The following MDN1 variants were observed in gnomAD, a reference collection of about 807,000 sequenced individuals.
MDN1 encodes the protein midasin AAA ATPase 1.
In MDN1, 266 loss-of-function variants were observed where a neutral mutation model predicts 669.2. The ratio of observed to expected loss-of-function variants is 0.40; its 90% confidence interval spans 0.36 to 0.44. MDN1 has a LOEUF of 0.44. MDN1 is among the 20% of genes least tolerant of loss of function. MDN1 has a pLI of 1.00. For missense variants in MDN1, 5,940 were observed against 6,754.0 expected (o/e 0.88, Z 4.22); for synonymous variants, 2,385 against 2,457.1 (o/e 0.97, Z 0.87).
At chr6:89,660,955 C>T (rs1029269185) in intron 88 of MDN1, among the ~76,000 whole-genome samples, 9 of 152,128 alleles carry the variant, frequency 5.9e-5, no homozygotes, top group African/African-American at 1.9e-4. Context: ...AACAAAGGCA[C>T]GAAATACTGT....
Position 89,699,744 on chromosome 6 carries a change from G to C in MDN1, c.8871-17C>G. ...TTGCTGCATCTGTTCCAAAAATAAA[G>C]AGGGAGAGGGTGGGGTATGGACTAT... On this transcript the variant is annotated splice_polypyrimidine_tract_variant and intron_variant, in intron 57 of 101. Transcript: ENST00000369393. 6.2e-7 allele frequency: 1 copy of C among 1,613,362 alleles called. No homozygotes were observed.
At chr6:89,671,332 GT>G (rs1214264807) in intron 82 of MDN1, among the ~76,000 whole-genome samples, 1 of 152,120 alleles carries the variant, frequency 6.6e-6, no homozygotes, top group Non-Finnish European at 1.5e-5. Flanking sequence ...AACAATGTTG[GT>G]TTTTTAAAAA....
Position 89,648,111 on chromosome 6 carries a change from T to A in MDN1, c.16316A>T (p.His5439Leu), listed in dbSNP as rs1808601641. The A allele has an allele frequency of 6.2e-6, 10 of 1,614,168 alleles. No individual in the cohort carries two copies. Among genetic ancestry groups the A allele is most frequent in the Non-Finnish European group, 8.5e-6 (10 of 1,179,992 alleles). The change falls in exon 99 of 102, where the codon CAT (histidine) becomes CTT (leucine). Residue 5439 changes from histidine to leucine, a missense_variant. This residue lies in a region of MDN1 where 2,280 missense variants were observed against 2,576.3 expected (regional missense o/e 0.88). Coordinates refer to ENST00000369393, the MANE Select transcript of MDN1 (RefSeq NM_014611.3). The part of the protein sequence containing the change: ...GESVKLLHPF[H>L]EQFSDYSGSQ... ...CCCAGAGTAATCACTGAACTGCTCA[T>A]GAAATGGGTGTAACAGCTTTACAGA...
chr6:89,662,721 C>CAT (rs1809887811), intron 86 of MDN1, 71 bp downstream of exon 86: 1 of 1,485,640 alleles, frequency 6.7e-7, no homozygotes, highest in Non-Finnish European at 9.2e-7. Flanking sequence ...AAGTAAATGA[C>CAT]AGAGAATGGT....
At chr6:89,717,420 T>C (rs1178603051) in intron 43 of MDN1, among the ~76,000 whole-genome samples, 1 of 152,192 alleles carries the variant, frequency 6.6e-6, no homozygotes, top group African/African-American at 2.4e-5. Flanking sequence ...TGTAAAACTG[T>C]AGGCAAGTAA....
intron 1 of MDN1, among the ~76,000 whole-genome samples, chr6:89,813,192 G>A (rs1429730238): frequency 1.3e-5 from 2 of 152,092 alleles, no homozygotes; most frequent in African/African-American, 4.8e-5. Context: ...TGCCCACCTC[G>A]GCCTCCCAAA....
At position 89,675,256 on chromosome 6, in the gene MDN1, T is replaced by C. The variant is rs1000354510; in HGVS notation, c.12761+208A>G. 1.8e-5 allele frequency: 10 copies of C among 548,440 alleles called. No homozygotes were observed. In the East Asian group the frequency reaches 2.2e-4, roughly 12 times the overall value. The allele number at this position is 548,440 out of a possible 1,614,324, so 34.0% of individuals were successfully genotyped here. ...CTGCAGCTCCATATTCTCAGGAGGT[T>C]CAGAGCACGGAGGGAGAGGGACACT... On this transcript the variant is annotated intron_variant, in intron 78 of 101. Coordinates refer to ENST00000369393, the MANE Select transcript of MDN1 (RefSeq NM_014611.3).
intron 1 of MDN1, among the ~76,000 whole-genome samples, chr6:89,814,289 G>C (rs762065582): frequency 6.6e-6 from 1 of 151,700 alleles, no homozygotes; most frequent in Non-Finnish European, 1.5e-5. Context: ...AGAGACCTTA[G>C]GACTGACAAA....
intron 1 of MDN1, 106 bp downstream of exon 1, chr6:89,819,400 C>T (rs1369815458): frequency 7.4e-6 from 8 of 1,075,532 alleles, no homozygotes; most frequent in African/African-American, 1.5e-5. Context: ...CCTGAGGCTG[C>T]ACCACTCCCC....
At chr6:89,788,798 C>G (rs943370769) in intron 7 of MDN1, among the ~76,000 whole-genome samples, 1 of 152,080 alleles carries the variant, frequency 6.6e-6, no homozygotes, top group Non-Finnish European at 1.5e-5. Context: ...ACAAAATAAG[C>G]CAGTGCTAAG....
intron 31 of MDN1, among the ~76,000 whole-genome samples, chr6:89,742,783 T>C (rs1427387368): frequency 2.0e-5 from 3 of 152,164 alleles, no homozygotes; most frequent in Non-Finnish European, 4.4e-5. Flanking sequence ...CTTTAAAAAA[T>C]AGTTTTGACT....
chr6:89,758,796 C>T lies in MDN1; in HGVS notation c.2605+20G>A, dbSNP rs750568249. On this transcript the variant is annotated intron_variant, in intron 18 of 101. Transcript: ENST00000369393. Reference sequence around the variant, plus strand: ...ACAGGGCTTGACACCAAGTCAAATCCCAAGGGATTCAAGTGCTACCTGTGT... The same window carrying T: ...ACAGGGCTTGACACCAAGTCAAATCTCAAGGGATTCAAGTGCTACCTGTGT... The T allele has an allele frequency of 6.2e-7, 1 of 1,613,502 alleles. No individual in the cohort carries two copies. Among genetic ancestry groups the T allele is most frequent in the Non-Finnish European group, 8.5e-7 (1 of 1,179,736 alleles).
chr6:89,771,248 G>T (rs901510583), intron 15 of MDN1, among the ~76,000 whole-genome samples: 1 of 152,074 alleles, frequency 6.6e-6, no homozygotes, highest in Non-Finnish European at 1.5e-5. Context: ...CTGAGACATG[G>T]GACACATGAA....
chr6:89,799,816 T>C (rs1341970934), intron 2 of MDN1, among the ~76,000 whole-genome samples: 1 of 152,206 alleles, frequency 6.6e-6, no homozygotes, highest in African/African-American at 2.4e-5. Context: ...ATTTGTGATA[T>C]ATGTTTAGTT....
chr6:89,803,689 C>A, intron 1 of MDN1, 135 bp from the exon 2 acceptor site: 1 of 672,722 alleles, frequency 1.5e-6, no homozygotes, highest in Non-Finnish European at 2.5e-6. Flanking sequence ...TCATGCCATT[C>A]TCCTGCCCGA....
rs1177970920 is a variant in MDN1, at chr6:89,649,892, G to A, written c.16206+132C>T. On this transcript the variant is annotated intron_variant, in intron 97 of 101. Transcript: ENST00000369393. ...CACATTCTCAAAACAGGCCTAACAG[G>A]TATTTCAAAATGTTTTAGCCATATC... 7.5e-6 allele frequency: 7 copies of A among 938,618 alleles called. No homozygotes were observed. In the East Asian group the frequency reaches 1.7e-4, roughly 23 times the overall value. The allele number at this position is 938,618 out of a possible 1,614,324, so 58.1% of individuals were successfully genotyped here. A position where few individuals can be genotyped will look rare whatever the true frequency, so the allele number is the denominator to read the frequency against.
chr6:89,695,888 TCA>T lies in MDN1; in HGVS notation c.9486_9487del (p.Cys3162Ter). 1.2e-6 allele frequency: 2 copies of T among 1,613,264 alleles called. No individual in the cohort carries two copies. The highest frequency in any genetic ancestry group is 1.7e-6 in the Non-Finnish European group (2 of 1,180,032). ...CTGGCTGCTCCCAAGCAGCAGCTGC[TCA>T]CAGTTCTGCATGTACTCCTGCCGCC... On this transcript the variant is annotated stop_gained and frameshift_variant, in exon 61 of 102. Transcript: ENST00000369393. LOFTEE classifies it high-confidence loss of function. The surrounding 1 kb of genome is among the most constrained non-coding windows in gnomAD (Gnocchi z 4.1).
At chr6:89,751,365 G>C in intron 23 of MDN1, 66 bp downstream of exon 23, 1 of 1,584,138 alleles carries the variant, frequency 6.3e-7, no homozygotes, top group Non-Finnish European at 8.6e-7. Context: ...AAGGAAGTTA[G>C]ACCAAAATGT....
chr6:89,704,268 C>A (rs1263430431), intron 53 of MDN1, among the ~76,000 whole-genome samples: 1 of 152,068 alleles, frequency 6.6e-6, no homozygotes, highest in African/African-American at 2.4e-5. Context: ...GTAGTCCTGG[C>A]TACTCAGGAG....
Sources: allele counts gnomAD v4.1 joint callset (sites outside exome capture counted in the v4.1 genomes callset), GRCh38; gene constraint gnomAD v4.1.1; regional missense constraint gnomAD v4.1.1; non-coding constraint Gnocchi (gnomAD v3.1); transcripts MANE v1.5; gene names NCBI Gene and HGNC (gene_info 2026-07-23, HGNC 2026-07-21).